CALY: variants seen among roughly 807,000 people sequenced by gnomAD.
The protein encoded by CALY is neuron-specific vesicular protein calcyon.
CALY carries 15 observed loss-of-function variants against 20.2 expected under a neutral mutation model. The observed-to-expected ratio is 0.74, with a 90% CI of 0.50 to 1.14. The LOEUF is 1.14. Among genes scored for constraint, CALY ranks in the 50% most tolerant of loss-of-function variants. The pLI, the probability that CALY is intolerant of heterozygous loss-of-function variation, is 0.00. For synonymous variants in CALY, 129 were observed against 131.8 expected, an observed-to-expected ratio of 0.98 and a Z score of 0.15; for missense variants, 270 against 304.4, an observed-to-expected ratio of 0.89 and a Z score of 0.84.
rs761175287 is a variant in CALY at position 133,326,086 on chromosome 10, T to C, written c.395A>G (p.Tyr132Cys). 1.6e-5 allele frequency: 26 copies of C among 1,600,158 alleles called. No homozygotes were observed. Among genetic ancestry groups the C allele is most frequent in the Non-Finnish European group, 2.2e-5 (26 of 1,171,504 alleles). Residue 132 changes from tyrosine (Y) to cysteine (C), a missense_variant, in exon 5 of 6, where the codon TAC becomes TGC. Transcript: ENST00000252939. ...GCGCTCGGGGTCCATCTCCGTGTAG[T>C]ACATCTCCAGGGTCAGCGGCGTGCA... Reference protein sequence around the residue: ...KICTPLTLEMYYTEMDPERHR... With the variant: ...KICTPLTLEMCYTEMDPERHR...
At position 133,329,323 on chromosome 10, in the gene CALY, T is replaced by C. The variant is rs114842154; in HGVS notation, c.-20-314A>G. On this transcript the variant is annotated intron_variant, in intron 1 of 5. Transcript: ENST00000252939. Reference sequence around the variant, plus strand: ...AGCTGCTCTAGACAACCTCCTCTTTTTTCTTCTTCTTCCACTGGTGGCTGC... The same window carrying C: ...AGCTGCTCTAGACAACCTCCTCTTTCTTCTTCTTCTTCCACTGGTGGCTGC... Among the ~76,000 whole-genome samples the C allele has an allele frequency of 4.8e-3, 736 of 151,914 alleles. 6 individuals are homozygous for C. The highest frequency in any genetic ancestry group is 0.017 in the African/African-American group (694 of 41,418).
intron 1 of CALY, among the ~76,000 whole-genome samples, chr10:133,335,295 C>T (rs891430686): frequency 1.3e-5 from 2 of 152,140 alleles, no homozygotes; most frequent in Non-Finnish European, 2.9e-5. Context: ...GGCGCAGTCC[C>T]GCACCAGGGC....
At position 133,324,196 on chromosome 10, in the gene CALY, T is replaced by G. The variant is rs1249110104; in HGVS notation, c.*1399A>C. The G allele has an allele frequency of 2.7e-6, 1 of 365,938 alleles. No individual in the cohort carries two copies. Among genetic ancestry groups the G allele is most frequent in the Admixed American group, 3.2e-5 (1 of 31,272 alleles). 22.7% of individuals were successfully genotyped at this position (365,938 alleles called of 1,614,324 possible). ...TTGCAGGCCATCAGGGCCAATTCAG[T>G]TCTGCGTGTGCTTGTTCATCTGGCC... On this transcript the variant is annotated 3_prime_UTR_variant, in exon 6 of 6. Transcript: ENST00000252939.
intron 5 of CALY, 90 bp downstream of exon 5, chr10:133,325,709 G>A: frequency 1.8e-6 from 1 of 554,136 alleles, no homozygotes; most frequent in Non-Finnish European, 2.6e-6. Flanking sequence ...GGAAGGGAAG[G>A]GTGGCGGGGG....
Position 133,324,435 on chromosome 10 carries a change from G to C in CALY, c.*1160C>G, listed in dbSNP as rs1279441723. ...GCCAGCAAGCCTGGGAGCCAATGGT[G>C]GGGGGCTTCCATCCACCAATGGTCG... is the stretch of plus-strand genomic sequence containing the variant. On this transcript the variant is annotated 3_prime_UTR_variant, in exon 6 of 6. Transcript: ENST00000252939. 4.4e-6 allele frequency: 2 copies of C among 454,078 alleles called. No individual in the cohort carries two copies. Among genetic ancestry groups the C allele is most frequent in the Non-Finnish European group, 8.8e-6 (2 of 226,586 alleles). The allele number at this position is 454,078 out of a possible 1,614,324, so 28.1% of individuals were successfully genotyped here.
At chr10:133,329,289 T>C (rs568593995) in intron 1 of CALY, among the ~76,000 whole-genome samples, 1 of 152,206 alleles carries the variant, frequency 6.6e-6, no homozygotes, top group East Asian at 1.9e-4. Context: ...GGGGGAGACT[T>C]CCAACGGCAG....
chr10:133,334,150 AGGGGAAGCTCTGAGG>A (rs1848381412), intron 1 of CALY, among the ~76,000 whole-genome samples: 1 of 1,968 alleles, frequency 5.1e-4, no homozygotes, highest in South Asian at 0.036. Context: ...AAGGCTCTGA[AGGGGAAGCTCTGAGG>A]GGGGAAGGAC....
rs1848234046 is a variant in CALY at position 133,327,538 on chromosome 10, G to C, written c.246+367C>G. 5.2e-6 allele frequency: 3 copies of C among 576,252 alleles called. No homozygotes were observed. The East Asian group carries it at 8.5e-5, about 16-fold the overall frequency. 35.7% of individuals were successfully genotyped at this position (576,252 alleles called of 1,614,324 possible). A position where few individuals can be genotyped will look rare whatever the true frequency, so the allele number is the denominator to read the frequency against. On this transcript the variant is annotated intron_variant, in intron 3 of 5. Transcript: ENST00000252939. ...TTGACAGATTTAAACAAGAGGATGA[G>C]AGAAGATATTTGCCAGATATACTGC...
chr10:133,329,124 A>G (rs2133378547), intron 1 of CALY, 115 bp from the exon 2 acceptor site: 1 of 889,050 alleles, frequency 1.1e-6, no homozygotes, highest in Non-Finnish European at 1.7e-6. Flanking sequence ...CACCAGAGCC[A>G]GGGACAGGCT....
intron 1 of CALY, among the ~76,000 whole-genome samples, chr10:133,336,486 C>G (rs1273176571): frequency 6.6e-6 from 1 of 152,142 alleles, no homozygotes; most frequent in African/African-American, 2.4e-5. Flanking sequence ...CTGGTACCCC[C>G]TCCCCACCTC....
chr10:133,325,845 CGCCGCGCTCCCG>C lies in CALY; in HGVS notation c.624_635del (p.Gly209_Ala212del). The C allele has an allele frequency of 8.1e-7, 1 of 1,230,068 alleles. No individual in the cohort carries two copies. Among genetic ancestry groups the C allele is most frequent in the Non-Finnish European group, 1.0e-6 (1 of 987,468 alleles). 76.2% of individuals were successfully genotyped at this position (1,230,068 alleles called of 1,614,324 possible). A position where few individuals can be genotyped will look rare whatever the true frequency, so the allele number is the denominator to read the frequency against. ...GGAGACGTCACTGCGCGGGCGGGGGCGCCGCGCTCCCGGCCGCCTTCCGCGCCGCCTCCTTCT... is the reference window on the plus strand; with the variant it reads ...GGAGACGTCACTGCGCGGGCGGGGGCGCCGCCTTCCGCGCCGCCTCCTTCT... On this transcript the variant is annotated inframe_deletion, in exon 5 of 6. Coordinates refer to ENST00000252939, the MANE Select transcript of CALY (RefSeq NM_015722.4).
rs1848256423 is a variant in CALY at position 133,328,844 on chromosome 10, C to T, written c.135+11G>A. Reference sequence around the variant, plus strand: ...CCTGAGAAGGGCCCCCACGCTGGCCCAGGCCCTCACCTGGTCAGGGAGTGG... The same window carrying T: ...CCTGAGAAGGGCCCCCACGCTGGCCTAGGCCCTCACCTGGTCAGGGAGTGG... On this transcript the variant is annotated intron_variant, in intron 2 of 5. Transcript: ENST00000252939. 6.5e-7 allele frequency: 1 copy of T among 1,544,102 alleles called. No individual in the cohort carries two copies. Among genetic ancestry groups the T allele is most frequent in the Non-Finnish European group, 8.7e-7 (1 of 1,144,948 alleles).
Position 133,324,392 on chromosome 10 carries a change from T to G in CALY, c.*1203A>C, listed in dbSNP as rs1344178598. ...GGCCAGTCCCACTGAGCTGGGAAGC[T>G]GCCTAGACCCGCACCTAGCCAGCAA... On this transcript the variant is annotated 3_prime_UTR_variant, in exon 6 of 6. Transcript: ENST00000252939. The G allele has an allele frequency of 6.7e-6, 3 of 449,862 alleles. No homozygotes were observed. The highest frequency in any genetic ancestry group is 1.3e-5 in the Non-Finnish European group (3 of 225,154). 27.9% of individuals were successfully genotyped at this position (449,862 alleles called of 1,614,324 possible). A position where few individuals can be genotyped will look rare whatever the true frequency, so the allele number is the denominator to read the frequency against.
intron 1 of CALY, among the ~76,000 whole-genome samples, chr10:133,329,389 C>CTTTTTTTTTTTTTTTTT (rs1325679515): frequency 6.0e-5 from 6 of 99,614 alleles, no homozygotes; most frequent in African/African-American, 2.4e-4. Context: ...TCTTCTTCTT[C>CTTTTTTTTTTTTTTTTT]TTCTTTTTTT....
At chr10:133,330,583 G>C (rs1220611371) in intron 1 of CALY, among the ~76,000 whole-genome samples, 1 of 139,982 alleles carries the variant, frequency 7.1e-6, no homozygotes, top group Non-Finnish European at 1.5e-5. Context: ...GCGTGAACCT[G>C]GGAGGCGGAG....
chr10:133,331,642 T>TC (rs1232342690), intron 1 of CALY, among the ~76,000 whole-genome samples: 1 of 152,010 alleles, frequency 6.6e-6, no homozygotes, highest in Non-Finnish European at 1.5e-5. Context: ...AAAGCTAAAT[T>TC]CCCCAAGTAA....
chr10:133,324,201 C>T lies in CALY; in HGVS notation c.*1394G>A, dbSNP rs374911154. On this transcript the variant is annotated 3_prime_UTR_variant, in exon 6 of 6. Coordinates refer to ENST00000252939, the MANE Select transcript of CALY (RefSeq NM_015722.4). ...GGCCATCAGGGCCAATTCAGTTCTG[C>T]GTGTGCTTGTTCATCTGGCCAATGC... 7 of 369,696 alleles carry T rather than the reference C, an allele frequency of 1.9e-5. No individual in the cohort carries two copies. The East Asian group carries it at 2.3e-4, about 12-fold the overall frequency. 22.9% of individuals were successfully genotyped at this position (369,696 alleles called of 1,614,324 possible). A position where few individuals can be genotyped will look rare whatever the true frequency, so the allele number is the denominator to read the frequency against.
rs1564785687 is a variant in CALY at position 133,326,925 on chromosome 10, C to T, written c.313G>A (p.Ala105Thr). The T allele has an allele frequency of 6.2e-7, 1 of 1,611,224 alleles. No individual in the cohort carries two copies. Among genetic ancestry groups the T allele is most frequent in the East Asian group, 2.2e-5 (1 of 44,800 alleles). ...LLGCVLIMYK[A>T]IWYDQFTCPD... Reference sequence around the variant, plus strand: ...CAGGTGAACTGGTCGTACCAGATGGCCTTGTACATGATCAGCACGCAGCCC... The same window carrying T: ...CAGGTGAACTGGTCGTACCAGATGGTCTTGTACATGATCAGCACGCAGCCC... Residue 105 changes from alanine to threonine, a missense_variant, in exon 4 of 6, where the codon GCC becomes ACC. Physicochemically the swap from Ala to Thr is moderately conservative, Grantham distance 58. Coordinates refer to ENST00000252939, the MANE Select transcript of CALY (RefSeq NM_015722.4).
chr10:133,328,819 C>A, intron 2 of CALY, 36 bp downstream of exon 2: 3 of 1,522,438 alleles, frequency 2.0e-6, no homozygotes, highest in Non-Finnish European at 2.6e-6. Context: ...CCCAGGGGAG[C>A]CTGAGAAGGG....
Sources: allele counts gnomAD v4.1 joint callset (sites outside exome capture counted in the v4.1 genomes callset), GRCh38; gene constraint gnomAD v4.1.1; transcripts MANE v1.5; gene names NCBI Gene and HGNC (gene_info 2026-07-23, HGNC 2026-07-21).